Variants in TMEM39A observed in about 807,000 individuals in gnomAD.
The protein encoded by TMEM39A is suppressor of SQST-1 aggregates in rpl-43 mutants.
A neutral mutation model predicts 51.9 loss-of-function variants in TMEM39A; 19 were observed. That is an observed-to-expected ratio of 0.37 (90% confidence interval 0.26 to 0.54). TMEM39A has a LOEUF of 0.54. Ranked by LOEUF, TMEM39A falls within the 20% of genes least tolerant of loss-of-function variation. The pLI is 0.88. For missense variants in TMEM39A, 433 were observed against 590.5 expected, an observed-to-expected ratio of 0.73 and a Z score of 2.76; for synonymous variants, 197 against 220.2, an observed-to-expected ratio of 0.89 and a Z score of 0.93.
intron 4 of TMEM39A, 95 bp from the exon 5 acceptor site, chr3:119,447,267 C>T: frequency 8.1e-7 from 1 of 1,240,884 alleles, no homozygotes; most frequent in South Asian, 1.6e-5. Flanking sequence ...TTAGTGGAAG[C>T]TAAAATGTGT....
At chr3:119,432,669 T>C (rs1405454575) in intron 8 of TMEM39A, among the ~76,000 whole-genome samples, 1 of 152,136 alleles carries the variant, frequency 6.6e-6, no homozygotes, top group Non-Finnish European at 1.5e-5. Context: ...AAAAACATTC[T>C]TGGCTTGTAA....
At chr3:119,442,036 A>G (rs1478422167) in intron 5 of TMEM39A, among the ~76,000 whole-genome samples, 4 of 152,218 alleles carry the variant, frequency 2.6e-5, no homozygotes, top group African/African-American at 9.6e-5. Flanking sequence ...TAGAAAAAAG[A>G]TTCCTTTAAA....
At chr3:119,455,207 G>C (rs574654974) in intron 3 of TMEM39A, among the ~76,000 whole-genome samples, 8 of 152,206 alleles carry the variant, frequency 5.3e-5, no homozygotes, top group Non-Finnish European at 1.2e-4. Context: ...TCCTGACCAG[G>C]TAACCACCTT....
chr3:119,452,404 A>C (rs761808415), intron 4 of TMEM39A, 43 bp downstream of exon 4: 1 of 1,503,930 alleles, frequency 6.6e-7, no homozygotes, highest in Non-Finnish European at 9.2e-7. Flanking sequence ...TCTAGTAACT[A>C]ACTCTAGCTA....
Position 119,452,431 on chromosome 3 carries a change from G to A in TMEM39A, c.420+16C>T. On this transcript the variant is annotated intron_variant, in intron 4 of 8. Transcript: ENST00000319172. ...CTCTAGCTACATGTGATAGAATATA[G>A]TCAATGAACTGTTACCTCTGAGATG... is the stretch of plus-strand genomic sequence containing the variant. 6.2e-7 allele frequency: 1 copy of A among 1,603,902 alleles called. No individual in the cohort carries two copies. Among genetic ancestry groups the A allele is most frequent in the South Asian group, 1.1e-5 (1 of 90,714 alleles).
chr3:119,437,654 CA>C, intron 6 of TMEM39A, 100 bp downstream of exon 6: 2 of 996,534 alleles, frequency 2.0e-6, no homozygotes, highest in Non-Finnish European at 2.9e-6. Flanking sequence ...TCCAGGCTGC[CA>C]AAGGGGAGAC....
At chr3:119,460,666 G>A (rs959281634) in intron 2 of TMEM39A, among the ~76,000 whole-genome samples, 3 of 152,074 alleles carry the variant, frequency 2.0e-5, no homozygotes, top group African/African-American at 7.2e-5. Flanking sequence ...TTTATCTAGA[G>A]AACATAATTA....
In TMEM39A at chr3:119,431,565, A is replaced by G. The variant is rs1274494846; in HGVS notation, c.*416T>C. 2.0e-5 allele frequency: 3 copies of G among 153,712 alleles called. No homozygotes were observed. The highest frequency in any genetic ancestry group is 7.2e-5 in the African/African-American group (3 of 41,426). 9.5% of individuals were successfully genotyped at this position (153,712 alleles called of 1,614,324 possible). Reference sequence around the variant, plus strand: ...TATTAGCCAGCTGAACTAAAAGAGAATGGGTGCTGGTAGGCAACTCCATTG... The same window carrying G: ...TATTAGCCAGCTGAACTAAAAGAGAGTGGGTGCTGGTAGGCAACTCCATTG... On this transcript the variant is annotated 3_prime_UTR_variant, in exon 9 of 9. Transcript: ENST00000319172.
Position 119,431,015 on chromosome 3 carries a change from C to T in TMEM39A, c.*966G>A, listed in dbSNP as rs556760648. ...GTTCTGGAGTATGAAATTTAAAACA[C>T]AAATTTTGGATATAAATTATCTGAG... is the stretch of plus-strand genomic sequence containing the variant. On this transcript the variant is annotated 3_prime_UTR_variant, in exon 9 of 9. Transcript: ENST00000319172. 6.6e-6 allele frequency: 1 copy of T among 152,220 alleles called. No homozygotes were observed. The highest frequency in any genetic ancestry group is 2.1e-4 in the South Asian group (1 of 4,826). The allele number at this position is 152,220 out of a possible 1,614,324, so 9.4% of individuals were successfully genotyped here. A position where few individuals can be genotyped will look rare whatever the true frequency, so the allele number is the denominator to read the frequency against.
rs79931821 is a variant in TMEM39A, at chr3:119,463,587, C to T, written c.-326G>A. 4.6e-3 allele frequency: 1,848 copies of T among 398,792 alleles called. 44 individuals are homozygous for T. The South Asian group carries it at 0.074, about 16-fold the overall frequency. The allele number at this position is 398,792 out of a possible 1,614,324, so 24.7% of individuals were successfully genotyped here. On this transcript the variant is annotated 5_prime_UTR_variant, in exon 1 of 9. An upstream start codon of the reference 5' UTR is lost. Transcript: ENST00000319172. ...AGCCAGAGCCTGATACTTCAGCACC[C>T]ATCCCTAGCCTCCATTACCGCGGAG...
intron 4 of TMEM39A, among the ~76,000 whole-genome samples, chr3:119,447,699 A>C (rs2081146477): frequency 6.6e-6 from 1 of 151,918 alleles, no homozygotes; most frequent in Non-Finnish European, 1.5e-5. Flanking sequence ...ATCTTGGCTC[A>C]CTGCAACCTC....
intron 2 of TMEM39A, among the ~76,000 whole-genome samples, chr3:119,459,677 C>T (rs1163234236): frequency 1.3e-5 from 2 of 152,174 alleles, no homozygotes; most frequent in African/African-American, 4.8e-5. Flanking sequence ...ACTACAATTT[C>T]AACCTTGACT....
chr3:119,432,245 T>G (rs1440262908), intron 8 of TMEM39A, 31 bp from the exon 9 acceptor site: 1 of 1,499,462 alleles, frequency 6.7e-7, no homozygotes, highest in Non-Finnish European at 9.1e-7. Flanking sequence ...TAAAACATTA[T>G]TTCATAGAAA....
intron 3 of TMEM39A, among the ~76,000 whole-genome samples, chr3:119,454,570 T>C (rs1199518164): frequency 1.3e-5 from 2 of 152,234 alleles, no homozygotes; most frequent in Non-Finnish European, 2.9e-5. Flanking sequence ...GGCAGGCAGA[T>C]CATGAGGTCA....
At chr3:119,451,904 A>G (rs1364535284) in intron 4 of TMEM39A, among the ~76,000 whole-genome samples, 2 of 151,366 alleles carry the variant, frequency 1.3e-5, no homozygotes, top group African/African-American at 4.9e-5. Context: ...TTTTAATTTT[A>G]AAAAGATCAT....
chr3:119,451,024 G>A (rs1047157640), intron 4 of TMEM39A, among the ~76,000 whole-genome samples: 1 of 151,964 alleles, frequency 6.6e-6, no homozygotes, highest in Non-Finnish European at 1.5e-5. Flanking sequence ...CTGAAGGAAT[G>A]AAACAAAATC....
At chr3:119,461,799 A>G (rs534718944) in intron 2 of TMEM39A, among the ~76,000 whole-genome samples, 163 bp downstream of exon 2, 11 of 152,312 alleles carry the variant, frequency 7.2e-5, no homozygotes, top group African/African-American at 2.4e-4. Context: ...TTTTACCTCC[A>G]AAGTATTTTG....
chr3:119,436,350 G>A (rs62263404), intron 7 of TMEM39A, among the ~76,000 whole-genome samples: 23,927 of 152,164 alleles, frequency 0.16, 2,460 homozygotes, highest in East Asian at 0.27. Flanking sequence ...GAACAAAACT[G>A]CATGTATTAG....
intron 4 of TMEM39A, 27 bp from the exon 5 acceptor site, chr3:119,447,199 A>G (rs1265911007): frequency 6.2e-7 from 1 of 1,601,160 alleles, no homozygotes; most frequent in East Asian, 2.3e-5. Context: ...ACCAAAATGA[A>G]CATTTTGTAA....
Sources: allele counts gnomAD v4.1 joint callset (sites outside exome capture counted in the v4.1 genomes callset), GRCh38; gene constraint gnomAD v4.1.1; transcripts MANE v1.5; gene names NCBI Gene and HGNC (gene_info 2026-07-23, HGNC 2026-07-21).